Variants in TENT4B observed in about 807,000 individuals in gnomAD.
The protein encoded by TENT4B is terminal nucleotidyltransferase 4B.
Under a neutral mutation model 75.0 loss-of-function variants are expected in TENT4B, and 10 were observed. That is an observed-to-expected ratio of 0.13 (90% CI 0.08 to 0.23). The LOEUF is 0.23. Among genes scored for constraint, TENT4B ranks in the 10% least tolerant of loss-of-function variants. The pLI, the probability that TENT4B is intolerant of heterozygous loss-of-function variation, is 1.00. For missense variants in TENT4B, 579 were observed against 893.8 expected (o/e 0.65, Z 4.49); for synonymous variants, 350 against 357.7 (o/e 0.98, Z 0.24).
At chr16:50,204,997 C>T (rs936983653) in intron 1 of TENT4B, among the ~76,000 whole-genome samples, 1 of 152,156 alleles carries the variant, frequency 6.6e-6, no homozygotes, top group African/African-American at 2.4e-5. Context: ...CACCCTCTTT[C>T]GAAGTGTGTC....
chr16:50,159,104 G>C (rs1191156281), intron 1 of TENT4B, among the ~76,000 whole-genome samples: 1 of 152,150 alleles, frequency 6.6e-6, no homozygotes, highest in East Asian at 1.9e-4. Context: ...TCTTGTATGT[G>C]CCATCCTCTA....
At chr16:50,224,117 C>A (rs1211008460) in intron 7 of TENT4B, among the ~76,000 whole-genome samples, 3 of 152,148 alleles carry the variant, frequency 2.0e-5, no homozygotes, top group Non-Finnish European at 4.4e-5. Flanking sequence ...TGCCTAGGAA[C>A]CATTTTCTGG....
upstream of TENT4B, chr16:50,153,013 A>C: frequency 6.6e-7 from 1 of 1,517,072 alleles, no homozygotes; most frequent in Non-Finnish European, 8.8e-7. Context: ...CGCGCGCCTC[A>C]GAAGCTCCCG....
chr16:50,208,999 G>C (rs895876767), intron 1 of TENT4B, among the ~76,000 whole-genome samples: 11 of 152,182 alleles, frequency 7.2e-5, no homozygotes, highest in Non-Finnish European at 1.6e-4. Context: ...CCAAAGTGCT[G>C]GGATTACAGG....
At chr16:50,208,881 C>T (rs372663091) in intron 1 of TENT4B, among the ~76,000 whole-genome samples, 2 of 152,082 alleles carry the variant, frequency 1.3e-5, no homozygotes, top group East Asian at 1.9e-4. Context: ...TACAGGCATG[C>T]GCCACCACAC....
chr16:50,162,455 G>T (rs2150670345), intron 1 of TENT4B, among the ~76,000 whole-genome samples: 1 of 152,214 alleles, frequency 6.6e-6, no homozygotes, highest in South Asian at 2.1e-4. Context: ...CAGTTTCTCT[G>T]CATCCTTGCT....
chr16:50,206,908 TG>T (rs1186552173), intron 1 of TENT4B, among the ~76,000 whole-genome samples: 1 of 11,834 alleles, frequency 8.5e-5, no homozygotes, highest in Non-Finnish European at 1.6e-4. Context: ...AACAGAAGTT[TG>T]TTTTTTTTTT....
chr16:50,178,945 A>C (rs1186464372), intron 1 of TENT4B, among the ~76,000 whole-genome samples: 1 of 152,236 alleles, frequency 6.6e-6, no homozygotes, highest in Non-Finnish European at 1.5e-5. Context: ...TACACCTAAA[A>C]ATGATTAAAA....
chr16:50,219,523 C>T (rs527340727), intron 5 of TENT4B, among the ~76,000 whole-genome samples: 3 of 152,306 alleles, frequency 2.0e-5, no homozygotes, highest in Non-Finnish European at 4.4e-5. Context: ...GATGAATATA[C>T]TTCCATACAT....
chr16:50,204,928 C>T (rs1020539399), intron 1 of TENT4B, among the ~76,000 whole-genome samples: 2 of 152,112 alleles, frequency 1.3e-5, no homozygotes, highest in South Asian at 2.1e-4. Flanking sequence ...TTCTGTGTCC[C>T]CAGCTGTCAG....
Position 50,199,333 on chromosome 16 carries a change from A to G in TENT4B, c.639-11990A>G, listed in dbSNP as rs536670876. Among the ~76,000 whole-genome samples, 5 of 152,342 alleles carry G rather than the reference A, an allele frequency of 3.3e-5. No individual in the cohort carries two copies. In the South Asian group the frequency reaches 6.2e-4, roughly 19 times the overall value. On this transcript the variant is annotated intron_variant, in intron 1 of 11. Coordinates refer to ENST00000561678, the MANE Select transcript of TENT4B (RefSeq NM_001365324.3). Reference sequence around the variant, plus strand: ...TGCAGTGCAGCCTCACCAGAATCACATGGAATAGTAGGGATATGAATTGTT... The same window carrying G: ...TGCAGTGCAGCCTCACCAGAATCACGTGGAATAGTAGGGATATGAATTGTT...
chr16:50,182,940 C>T (rs1422146956), intron 1 of TENT4B, among the ~76,000 whole-genome samples: 5 of 102,184 alleles, frequency 4.9e-5, no homozygotes, highest in Non-Finnish European at 9.4e-5. Flanking sequence ...GCCAAGTTGC[C>T]TAGGCTGGGC....
chr16:50,173,082 A>G (rs2038237147), intron 1 of TENT4B, among the ~76,000 whole-genome samples: 1 of 152,080 alleles, frequency 6.6e-6, no homozygotes, highest in Admixed American at 6.6e-5. Context: ...AGCTTGGACT[A>G]CAGGCGCATA....
intron 3 of TENT4B, among the ~76,000 whole-genome samples, chr16:50,215,542 G>T (rs946601874): frequency 6.6e-6 from 1 of 152,188 alleles, no homozygotes. Context: ...ACAGGGAAAA[G>T]TCTCAGTCCC....
Position 50,234,309 on chromosome 16 carries a change from T to C in TENT4B, c.*4981T>C. The C allele has an allele frequency of 1.0e-6, 1 of 985,084 alleles. No individual in the cohort carries two copies. The highest frequency in any genetic ancestry group is 1.2e-6 in the Non-Finnish European group (1 of 829,890). The allele number at this position is 985,084 out of a possible 1,614,324, so 61.0% of individuals were successfully genotyped here. On this transcript the variant is annotated 3_prime_UTR_variant, in exon 12 of 12. Coordinates refer to ENST00000561678, the MANE Select transcript of TENT4B (RefSeq NM_001365324.3). The stretch of plus-strand genomic sequence containing the variant: ...ACCTGAATGGTGAGGTGTGGTGGAA[T>C]TGGGTAGGGGAGGGAAAGGAGGACT...
chr16:50,229,131 G>A, intron 11 of TENT4B, 21 bp from the exon 12 acceptor site: 1 of 1,610,220 alleles, frequency 6.2e-7, no homozygotes, highest in Non-Finnish European at 8.5e-7. Context: ...ATGTCTTTGT[G>A]GTCGTTTTCT....
intron 1 of TENT4B, among the ~76,000 whole-genome samples, chr16:50,201,251 C>T (rs185890938): frequency 6.6e-6 from 1 of 152,148 alleles, no homozygotes; most frequent in Non-Finnish European, 1.5e-5. Context: ...AAATACCAGC[C>T]CTGGGCTGGA....
At chr16:50,172,030 A>T (rs1753540140) in intron 1 of TENT4B, among the ~76,000 whole-genome samples, 1 of 151,394 alleles carries the variant, frequency 6.6e-6, no homozygotes, top group Admixed American at 6.6e-5. Context: ...ACAGAGCAAG[A>T]CTCTGTCTCA....
chr16:50,179,458 G>A (rs9922073), intron 1 of TENT4B, among the ~76,000 whole-genome samples: 12,547 of 152,142 alleles, frequency 0.082, 1,022 homozygotes, highest in African/African-American at 0.21. Context: ...TGACTTGATA[G>A]AACACACTAA....
Sources: allele counts gnomAD v4.1 joint callset (sites outside exome capture counted in the v4.1 genomes callset), GRCh38; gene constraint gnomAD v4.1.1; transcripts MANE v1.5; gene names NCBI Gene and HGNC (gene_info 2026-07-23, HGNC 2026-07-21).